The following EDEM3 variants were observed in gnomAD, a reference collection of about 807,000 sequenced individuals.
The protein encoded by EDEM3 is ER degradation-enhancing alpha-mannosidase-like protein 3.
Under a neutral mutation model 110.2 loss-of-function variants are expected in EDEM3, and 60 were observed. That is an observed-to-expected ratio of 0.54 (90% CI 0.44 to 0.67). EDEM3 has a LOEUF of 0.67. EDEM3 is among the 30% of genes least tolerant of loss of function. The pLI is 0.00. For missense variants in EDEM3, 996 were observed against 1,121.0 expected, an observed-to-expected ratio of 0.89 and a Z score of 1.59; for synonymous variants, 352 against 382.9, an observed-to-expected ratio of 0.92 and a Z score of 0.94.
chr1:184,721,719 A>C (rs1351451749), intron 8 of EDEM3, among the ~76,000 whole-genome samples: 1 of 151,950 alleles, frequency 6.6e-6, no homozygotes, highest in Non-Finnish European at 1.5e-5. Context: ...AAAAAGGAAA[A>C]AAGAACCAAA....
chr1:184,724,150 T>C (rs1172297767), intron 7 of EDEM3, among the ~76,000 whole-genome samples: 1 of 152,038 alleles, frequency 6.6e-6, no homozygotes, highest in Non-Finnish European at 1.5e-5. Context: ...TCATCTACTC[T>C]TGTAGCACAA....
At chr1:184,698,437 T>C (rs772140190) in intron 19 of EDEM3, among the ~76,000 whole-genome samples, 1 of 151,854 alleles carries the variant, frequency 6.6e-6, no homozygotes, top group Non-Finnish European at 1.5e-5. Context: ...CAAAACATAA[T>C]GCAGCTTTCA....
At chr1:184,719,843 C>T (rs918681055) in intron 9 of EDEM3, among the ~76,000 whole-genome samples, 1 of 152,194 alleles carries the variant, frequency 6.6e-6, no homozygotes, top group Admixed American at 6.5e-5. Context: ...TCTCTATGCC[C>T]TGTGGCGTTA....
At chr1:184,751,166 A>G (rs965415800) in intron 1 of EDEM3, among the ~76,000 whole-genome samples, 4 of 145,864 alleles carry the variant, frequency 2.7e-5, no homozygotes, top group African/African-American at 7.3e-5. Context: ...ACATATATAT[A>G]TATGTTTATA....
chr1:184,726,682 A>C (rs770647495), intron 6 of EDEM3, among the ~76,000 whole-genome samples: 2 of 152,206 alleles, frequency 1.3e-5, no homozygotes, highest in Non-Finnish European at 2.9e-5. Flanking sequence ...AATCCAAGGG[A>C]AATTACACAG....
rs1346643124 is a variant in EDEM3 at position 184,732,215 on chromosome 1, C to A, written c.612+622G>T. 2.0e-5 allele frequency among the ~76,000 whole-genome samples: 3 copies of A among 151,930 alleles called. No individual in the cohort carries two copies. The East Asian group carries it at 5.8e-4, about 29-fold the overall frequency. On this transcript the variant is annotated intron_variant, in intron 6 of 19. Transcript: ENST00000318130. ...AAGAAATAAGCCAGGCATAGAAAGA[C>A]AAATTTTGAATGTTCTTACTCATTT... is the stretch of plus-strand genomic sequence containing the variant.
At chr1:184,748,324 G>C (rs1449696655) in intron 2 of EDEM3, among the ~76,000 whole-genome samples, 6 of 152,014 alleles carry the variant, frequency 3.9e-5, no homozygotes, top group African/African-American at 1.5e-4. Flanking sequence ...GCACACACCT[G>C]TAATCCCAGC....
intron 19 of EDEM3, among the ~76,000 whole-genome samples, chr1:184,702,009 A>C (rs1264234168): frequency 6.6e-6 from 1 of 152,052 alleles, no homozygotes; most frequent in African/African-American, 2.4e-5. Flanking sequence ...ATGCAACTTC[A>C]TCTATTTAAG....
At position 184,712,546 on chromosome 1, in the gene EDEM3, C is replaced by A. The variant is rs1650310295; in HGVS notation, c.1423G>T (p.Ala475Ser). 6.3e-7 allele frequency: 1 copy of A among 1,582,804 alleles called. No homozygotes were observed. Among genetic ancestry groups the A allele is most frequent in the African/African-American group, 1.4e-5 (1 of 73,670 alleles). ...TCAAAAATAATGTCTTCTTTATCAG[C>A]AAATAACAGGTAAAGATATTTAAAC... ...EMFKYLYLLF[A>S]DKEDIIFDIE... Residue 475 changes from alanine to serine, a missense_variant, in exon 14 of 20, where the codon GCT becomes TCT. This residue lies in a region of EDEM3 where 310 missense variants were observed against 394.6 expected (regional missense o/e 0.79). Coordinates refer to ENST00000318130, the MANE Select transcript of EDEM3 (RefSeq NM_025191.4).
At chr1:184,699,489 A>G (rs1649502520) in intron 19 of EDEM3, among the ~76,000 whole-genome samples, 1 of 151,926 alleles carries the variant, frequency 6.6e-6, no homozygotes, top group Non-Finnish European at 1.5e-5. Context: ...TTAAGTATCA[A>G]TTCTGCTAAG....
Position 184,699,397 on chromosome 1 carries a change from T to C in EDEM3, c.2389+3414A>G, listed in dbSNP as rs147839908. ...GCCATGGGAGAGGAAAAGGGATTGA[T>C]AGGGAACTTCCAGAAAAAGGGAAGA... On this transcript the variant is annotated intron_variant, in intron 19 of 19. Coordinates refer to ENST00000318130, the MANE Select transcript of EDEM3 (RefSeq NM_025191.4). 2.9e-3 allele frequency among the ~76,000 whole-genome samples: 434 copies of C among 151,916 alleles called. 4 individuals carry two copies. The East Asian group carries it at 0.036, about 12-fold the overall frequency.
rs1298525967 is a variant in EDEM3, at chr1:184,712,518, A to AT, written c.1450dup (p.Ile484AsnfsTer26). On this transcript the variant is annotated frameshift_variant, in exon 14 of 20. Transcript: ENST00000318130. LOFTEE classifies it high-confidence loss of function. ...TTCTGTTGTAAAGATGTAATCTTCTATGTCAAAAATAATGTCTTCTTTATC... is the reference window on the plus strand; with the variant it reads ...TTCTGTTGTAAAGATGTAATCTTCTATTGTCAAAAATAATGTCTTCTTTATC... The AT allele has an allele frequency of 1.9e-6, 3 of 1,603,026 alleles. No homozygotes were observed. The highest frequency in any genetic ancestry group is 2.6e-6 in the Non-Finnish European group (3 of 1,174,130).
chr1:184,715,684 C>A (rs1571371734), intron 13 of EDEM3, among the ~76,000 whole-genome samples: 1 of 152,288 alleles, frequency 6.6e-6, no homozygotes, highest in Middle Eastern at 3.4e-3. Flanking sequence ...TGTAATAGTA[C>A]ACTTCAGAAA....
intron 13 of EDEM3, 40 bp downstream of exon 13, chr1:184,716,848 G>A (rs1308221198): frequency 6.2e-7 from 1 of 1,605,866 alleles, no homozygotes; most frequent in East Asian, 2.2e-5. Flanking sequence ...TGTTGTTTCA[G>A]AGAGACCCTG....
intron 13 of EDEM3, among the ~76,000 whole-genome samples, chr1:184,713,819 G>T (rs999108196): frequency 6.6e-6 from 1 of 152,108 alleles, no homozygotes; most frequent in Non-Finnish European, 1.5e-5. Context: ...TCTGTAAAAG[G>T]AATATAACAA....
intron 11 of EDEM3, 91 bp downstream of exon 11, chr1:184,719,071 T>C: frequency 1.5e-6 from 1 of 655,610 alleles, no homozygotes; most frequent in Non-Finnish European, 2.4e-6. Flanking sequence ...ATTTTCTACC[T>C]TTATATTAGC....
chr1:184,730,399 T>C (rs542085762), intron 6 of EDEM3, among the ~76,000 whole-genome samples: 2 of 152,102 alleles, frequency 1.3e-5, no homozygotes, highest in East Asian at 1.9e-4. Context: ...CTGGGCAACA[T>C]AGTGAGAACT....
intron 6 of EDEM3, among the ~76,000 whole-genome samples, chr1:184,730,501 C>T (rs1416451052): frequency 1.3e-5 from 2 of 152,226 alleles, no homozygotes; most frequent in Non-Finnish European, 2.9e-5. Flanking sequence ...GTGGGAGGAT[C>T]ACTTGAGCCC....
chr1:184,734,379 G>A (rs1651707853), intron 5 of EDEM3, 152 bp downstream of exon 5: 4 of 233,526 alleles, frequency 1.7e-5, no homozygotes, highest in Non-Finnish European at 3.4e-5. Flanking sequence ...TTAGATAGGA[G>A]AATCGCTTGA....
Sources: gnomAD v4.1 joint callset for allele counts (sites outside exome capture counted in the v4.1 genomes callset) on GRCh38, gnomAD v4.1.1 for gene constraint, gnomAD v4.1.1 regional missense constraint, MANE v1.5 for transcripts, NCBI Gene and HGNC (gene_info 2026-07-23, HGNC 2026-07-21) for gene names.